Variants in CACNA2D1 observed in about 807,000 individuals in gnomAD.
The protein encoded by CACNA2D1 is calcium voltage-gated channel auxiliary subunit alpha2delta 1.
In CACNA2D1, 53 loss-of-function variants were observed where a neutral mutation model predicts 171.5. That is an observed-to-expected ratio of 0.31 (90% confidence interval 0.25 to 0.39). The LOEUF (loss-of-function observed/expected upper bound fraction) is 0.39, where lower values mean the gene tolerates loss of function less well. Among genes scored for constraint, CACNA2D1 ranks in the 10% least tolerant of loss-of-function variants. The pLI, the probability that CACNA2D1 is intolerant of heterozygous loss-of-function variation, is 1.00. For synonymous variants in CACNA2D1, 442 were observed against 443.1 expected (o/e 1.00, Z 0.03); for missense variants, 903 against 1,299.8 (o/e 0.69, Z 4.69).
intron 3 of CACNA2D1, among the ~76,000 whole-genome samples, chr7:82,228,859 G>A (rs1802616514): frequency 1.3e-5 from 2 of 152,010 alleles, no homozygotes; most frequent in African/African-American, 4.8e-5. Flanking sequence ...CAGTGCCTGT[G>A]CCCCACTCCA....
intron 3 of CACNA2D1, among the ~76,000 whole-genome samples, chr7:82,239,666 T>C (rs762107810): frequency 8.6e-5 from 13 of 152,030 alleles, no homozygotes; most frequent in Non-Finnish European, 1.8e-4. Context: ...AGTGGAAGAG[T>C]TGTCCACAGA....
At chr7:82,087,311 G>C (rs2129014323) in intron 6 of CACNA2D1, among the ~76,000 whole-genome samples, 1 of 152,172 alleles carries the variant, frequency 6.6e-6, no homozygotes, top group Non-Finnish European at 1.5e-5. Context: ...TCTGCCATAG[G>C]AATGCAAAAT....
chr7:82,388,635 T>C (rs1322255222), intron 1 of CACNA2D1, among the ~76,000 whole-genome samples: 2 of 152,154 alleles, frequency 1.3e-5, no homozygotes, highest in Non-Finnish European at 2.9e-5. Flanking sequence ...TTTGATTTCA[T>C]GTGAGGGGAA....
intron 3 of CACNA2D1, among the ~76,000 whole-genome samples, chr7:82,173,247 A>T (rs1024559259): frequency 2.8e-4 from 43 of 152,142 alleles, no homozygotes; most frequent in African/African-American, 9.9e-4. Flanking sequence ...CCCTAGGAGG[A>T]AGATAGTCCA....
chr7:82,224,446 C>T (rs1448153629), intron 3 of CACNA2D1, among the ~76,000 whole-genome samples: 3 of 151,964 alleles, frequency 2.0e-5, no homozygotes, highest in East Asian at 3.9e-4. Flanking sequence ...ACTAGCTGGG[C>T]GTGGTGGCAC....
chr7:82,097,804 T>C (rs949732070), intron 6 of CACNA2D1, among the ~76,000 whole-genome samples: 1 of 152,074 alleles, frequency 6.6e-6, no homozygotes, highest in South Asian at 2.1e-4. Context: ...ATAATGTCTA[T>C]GAATCCTCAG....
chr7:82,164,640 G>A (rs1163302757), intron 4 of CACNA2D1, among the ~76,000 whole-genome samples: 1 of 151,874 alleles, frequency 6.6e-6, no homozygotes, highest in Non-Finnish European at 1.5e-5. Flanking sequence ...GGAAAGGCTA[G>A]ATGGGGCCAG....
intron 10 of CACNA2D1, among the ~76,000 whole-genome samples, chr7:82,041,054 G>T (rs995945234): frequency 1.3e-5 from 2 of 151,978 alleles, no homozygotes; most frequent in African/African-American, 2.4e-5. Context: ...CTTGGGTTGG[G>T]GGGGTGGGGA....
chr7:82,390,238 A>G (rs1026415411), intron 1 of CACNA2D1, among the ~76,000 whole-genome samples: 2 of 152,198 alleles, frequency 1.3e-5, no homozygotes, highest in Non-Finnish European at 2.9e-5. Flanking sequence ...AAGTGGAGTC[A>G]ATAACGTATC....
intron 2 of CACNA2D1, among the ~76,000 whole-genome samples, chr7:82,338,802 T>C (rs561116908): frequency 1.3e-5 from 2 of 152,104 alleles, no homozygotes; most frequent in African/African-American, 4.8e-5. Flanking sequence ...GACATGGAAA[T>C]TTAAGAAAGC....
intron 16 of CACNA2D1, among the ~76,000 whole-genome samples, chr7:82,006,167 G>C (rs542056500): frequency 1.3e-5 from 2 of 151,926 alleles, no homozygotes; most frequent in Admixed American, 6.6e-5. Flanking sequence ...CCTTATAGCT[G>C]TGTGTCTATA....
In CACNA2D1 at chr7:81,966,769, A is replaced by T. The variant is rs1794744340; in HGVS notation, c.2502+400T>A. Reference sequence around the variant, plus strand: ...GTTAAAACATTTTTCCTGTAACTATATAATACAGTGTGAACAAATTTAGAG... The same window carrying T: ...GTTAAAACATTTTTCCTGTAACTATTTAATACAGTGTGAACAAATTTAGAG... On this transcript the variant is annotated intron_variant, in intron 31 of 38. Transcript: ENST00000356860. Among the ~76,000 whole-genome samples the T allele has an allele frequency of 2.6e-5, 4 of 151,494 alleles. No homozygotes were observed. The South Asian group carries it at 6.2e-4, about 24-fold the overall frequency.
chr7:82,380,044 C>T (rs985941854), intron 1 of CACNA2D1, among the ~76,000 whole-genome samples: 2 of 152,136 alleles, frequency 1.3e-5, no homozygotes, highest in African/African-American at 4.8e-5. Flanking sequence ...CCATAACCCA[C>T]CTTCTCTCCA....
At chr7:82,223,742 T>C (rs975463800) in intron 3 of CACNA2D1, among the ~76,000 whole-genome samples, 1 of 152,206 alleles carries the variant, frequency 6.6e-6, no homozygotes, top group Non-Finnish European at 1.5e-5. Context: ...TAGCTTCTAA[T>C]TGGCCTTCCT....
intron 3 of CACNA2D1, among the ~76,000 whole-genome samples, chr7:82,184,625 T>C (rs1422161782): frequency 1.3e-5 from 2 of 152,162 alleles, no homozygotes; most frequent in Non-Finnish European, 2.9e-5. Flanking sequence ...GATATAAAGC[T>C]TCTAAGCAGT....
At chr7:82,065,286 G>A (rs1477956526) in intron 8 of CACNA2D1, among the ~76,000 whole-genome samples, 1 of 152,156 alleles carries the variant, frequency 6.6e-6, no homozygotes, top group Admixed American at 6.6e-5. Context: ...TAAAGTGGCA[G>A]AGTGGCAGGT....
At chr7:82,174,175 A>T (rs986990713) in intron 3 of CACNA2D1, among the ~76,000 whole-genome samples, 9 of 151,956 alleles carry the variant, frequency 5.9e-5, no homozygotes, top group African/African-American at 2.2e-4. Context: ...TTCAGAAAAA[A>T]AAAAATAAAA....
At chr7:82,030,093 T>C (rs945664666) in intron 12 of CACNA2D1, 4 of 151,866 alleles carry the variant, frequency 2.6e-5, no homozygotes, top group African/African-American at 9.7e-5. Context: ...GTGGTTTATC[T>C]TGTCATGAAA....
chr7:82,260,889 G>A (rs1015385549), intron 3 of CACNA2D1, among the ~76,000 whole-genome samples: 11 of 151,804 alleles, frequency 7.2e-5, no homozygotes, highest in African/African-American at 1.2e-4. Flanking sequence ...TATATCCAAC[G>A]GTTTAATGAC....
Sources: allele counts gnomAD v4.1 joint callset (sites outside exome capture counted in the v4.1 genomes callset), GRCh38; gene constraint gnomAD v4.1.1; transcripts MANE v1.5; gene names NCBI Gene and HGNC (gene_info 2026-07-23, HGNC 2026-07-21).